The following CDKAL1 variants were observed in gnomAD, a reference collection of about 807,000 sequenced individuals.
CDKAL1 encodes the protein threonylcarbamoyladenosine tRNA methylthiotransferase.
Under a neutral mutation model 68.2 loss-of-function variants are expected in CDKAL1, and 32 were observed. The ratio of observed to expected loss-of-function variants is 0.47; its 90% CI spans 0.35 to 0.63. The LOEUF is 0.63. Among genes scored for constraint, CDKAL1 ranks in the 30% least tolerant of loss-of-function variants. The probability of loss-of-function intolerance (pLI) is 0.00; values close to 1 mark genes in which losing one functional copy is unlikely to be tolerated. For synonymous variants in CDKAL1, 234 were observed against 244.3 expected, an observed-to-expected ratio of 0.96 and a Z score of 0.39; for missense variants, 606 against 696.7, an observed-to-expected ratio of 0.87 and a Z score of 1.47.
chr6:20,923,346 C>T (rs1477314555), intron 9 of CDKAL1, among the ~76,000 whole-genome samples: 1 of 152,198 alleles, frequency 6.6e-6, no homozygotes, highest in Admixed American at 6.5e-5. Context: ...GCAATTCTCT[C>T]AGCACCGTTT....
At position 20,649,348 on chromosome 6, in the gene CDKAL1, A is replaced by C. The variant is rs751727496; in HGVS notation, c.342A>C (p.Pro114=). 2 of 1,604,444 alleles carry C rather than the reference A, an allele frequency of 1.2e-6. No individual in the cohort carries two copies. Among genetic ancestry groups the C allele is most frequent in the Non-Finnish European group, 1.7e-6 (2 of 1,175,734 alleles). ...WLLNSCTVKN[P]AEDHFRNSIK... ...TGAACAGTTGCACTGTAAAAAACCC[A>C]GCTGAAGACCACTTTAGAAACTCAA... Residue 114 remains proline, a synonymous_variant, in exon 5 of 16, where the codon CCA becomes CCC. Coordinates refer to ENST00000274695, the MANE Select transcript of CDKAL1 (RefSeq NM_017774.3).
At chr6:20,666,887 G>T (rs1769574586) in intron 5 of CDKAL1, among the ~76,000 whole-genome samples, 1 of 152,072 alleles carries the variant, frequency 6.6e-6, no homozygotes, top group African/African-American at 2.4e-5. Flanking sequence ...GGAACAGCAT[G>T]TACCATTTGC....
At chr6:20,542,431 T>C (rs2127648459) in intron 2 of CDKAL1, among the ~76,000 whole-genome samples, 1 of 152,320 alleles carries the variant, frequency 6.6e-6, no homozygotes, top group South Asian at 2.1e-4. Context: ...TTCAGTTTGT[T>C]CATCTTTAAA....
intron 14 of CDKAL1, among the ~76,000 whole-genome samples, chr6:21,199,512 C>G (rs917956702): frequency 6.6e-6 from 1 of 152,192 alleles, no homozygotes; most frequent in Non-Finnish European, 1.5e-5. Flanking sequence ...TGCCTCTTCT[C>G]TCTCCTTTCT....
At chr6:20,813,873 ATTC>A (rs1265823037) in intron 8 of CDKAL1, among the ~76,000 whole-genome samples, 5 of 152,094 alleles carry the variant, frequency 3.3e-5, no homozygotes, top group African/African-American at 1.2e-4. Context: ...TTCTAACTTC[ATTC>A]TTTTTTCAAA....
rs551014841 is a variant in CDKAL1, at chr6:20,905,722, A to G, written c.743-49697A>G. On this transcript the variant is annotated intron_variant, in intron 9 of 15. Transcript: ENST00000274695. The stretch of plus-strand genomic sequence containing the variant: ...ACTCTTCACATGCAAAGGAACCACA[A>G]TGAGATTCTCCACAGATCTCTCCTC... Among the ~76,000 whole-genome samples the G allele has an allele frequency of 5.9e-5, 9 of 152,304 alleles. No individual in the cohort carries two copies. In the East Asian group the frequency reaches 7.7e-4, roughly 13 times the overall value.
chr6:21,077,708 A>G (rs1257463920), intron 12 of CDKAL1, among the ~76,000 whole-genome samples: 1 of 152,234 alleles, frequency 6.6e-6, no homozygotes, highest in Admixed American at 6.5e-5. Flanking sequence ...GTCTGCCCCC[A>G]TGACCCAGTC....
At chr6:20,898,156 T>G (rs563319933) in intron 9 of CDKAL1, among the ~76,000 whole-genome samples, 22 of 152,168 alleles carry the variant, frequency 1.4e-4, no homozygotes, top group Non-Finnish European at 2.5e-4. Flanking sequence ...TCTTGGGCTC[T>G]TTTTACTGTT....
intron 9 of CDKAL1, among the ~76,000 whole-genome samples, chr6:20,855,126 A>G (rs966617538): frequency 2.0e-5 from 3 of 152,144 alleles, no homozygotes; most frequent in African/African-American, 7.2e-5. Flanking sequence ...TGAAAGTTAT[A>G]TATTTTGGCA....
At chr6:21,226,463 C>G (rs868187662) in intron 15 of CDKAL1, among the ~76,000 whole-genome samples, 1 of 152,186 alleles carries the variant, frequency 6.6e-6, no homozygotes, top group African/African-American at 2.4e-5. Flanking sequence ...CAAGGGAAGA[C>G]AAACCCATGT....
chr6:20,916,628 CATTTGAA>C (rs927480566), intron 9 of CDKAL1, among the ~76,000 whole-genome samples: 1 of 152,134 alleles, frequency 6.6e-6, no homozygotes, highest in Non-Finnish European at 1.5e-5. Flanking sequence ...TTGCTCAAGG[CATTTGAA>C]AACTTACCTT....
At chr6:21,197,958 A>T (rs1562109617) in intron 13 of CDKAL1, 63 bp from the exon 14 acceptor site, 1 of 1,025,776 alleles carries the variant, frequency 9.7e-7, no homozygotes, top group African/African-American at 1.6e-5. Flanking sequence ...CTTTATTTTT[A>T]TTTTTGGATT....
intron 13 of CDKAL1, among the ~76,000 whole-genome samples, chr6:21,126,874 G>A (rs1775038972): frequency 6.6e-6 from 1 of 152,134 alleles, no homozygotes; most frequent in Admixed American, 6.6e-5. Context: ...ATTAAGCAAA[G>A]TTTGATTCAG....
intron 15 of CDKAL1, among the ~76,000 whole-genome samples, chr6:21,212,767 A>G (rs1045617667): frequency 2.6e-5 from 4 of 152,202 alleles, no homozygotes; most frequent in Non-Finnish European, 5.9e-5. Flanking sequence ...GCATGCAAGC[A>G]GTGTTTTAAA....
intron 4 of CDKAL1, among the ~76,000 whole-genome samples, chr6:20,637,667 G>A (rs1263431105): frequency 6.6e-6 from 1 of 152,152 alleles, no homozygotes; most frequent in African/African-American, 2.4e-5. Flanking sequence ...TTTTAGAATA[G>A]TTTCTAAATG....
intron 11 of CDKAL1, among the ~76,000 whole-genome samples, chr6:21,062,776 A>G (rs1771212124): frequency 6.6e-6 from 1 of 152,238 alleles, no homozygotes; most frequent in Admixed American, 6.5e-5. Context: ...CTGTTGTTTT[A>G]TGAAACTATA....
chr6:20,721,060 C>T lies in CDKAL1; in HGVS notation c.372-18459C>T, dbSNP rs903675192. On this transcript the variant is annotated intron_variant, in intron 5 of 15. Coordinates refer to ENST00000274695, the MANE Select transcript of CDKAL1 (RefSeq NM_017774.3). ...GTGTGCCATGTTGGTATGCTGCACC[C>T]GTTAACTGGTCATTTACATTAGGTA... Among the ~76,000 whole-genome samples the T allele has an allele frequency of 5.9e-5, 9 of 152,192 alleles. No individual in the cohort carries two copies. In the East Asian group the frequency reaches 1.2e-3, roughly 20 times the overall value.
intron 10 of CDKAL1, among the ~76,000 whole-genome samples, chr6:20,988,207 T>TGTGTGTGTGTGC (rs1463260369): frequency 6.6e-6 from 1 of 151,638 alleles, no homozygotes. Context: ...TGTGTGTGTG[T>TGTGTGTGTGTGC]GTGTGTGTGT....
chr6:20,594,412 T>A (rs566307816), intron 4 of CDKAL1, among the ~76,000 whole-genome samples: 37 of 152,354 alleles, frequency 2.4e-4, no homozygotes, highest in African/African-American at 8.4e-4. Flanking sequence ...GTTGCGTTGA[T>A]CCCTTTACCA....
Sources: gnomAD v4.1 joint callset for allele counts (sites outside exome capture counted in the v4.1 genomes callset) on GRCh38, gnomAD v4.1.1 for gene constraint, MANE v1.5 for transcripts, NCBI Gene and HGNC (gene_info 2026-07-23, HGNC 2026-07-21) for gene names.